Variants in DNAJC2 observed in about 807,000 individuals in gnomAD.
DNAJC2 encodes the protein DnaJ heat shock protein family (Hsp40) member C2.
Under a neutral mutation model 94.0 loss-of-function variants are expected in DNAJC2, and 32 were observed. The observed-to-expected ratio is 0.34, with a 90% CI of 0.26 to 0.46. The LOEUF (loss-of-function observed/expected upper bound fraction) is 0.46, where lower values mean the gene tolerates loss of function less well. DNAJC2 is among the 20% of genes least tolerant of loss of function. DNAJC2 has a pLI of 1.00. For missense variants in DNAJC2, 550 were observed against 719.5 expected, an observed-to-expected ratio of 0.76 and a Z score of 2.69; for synonymous variants, 210 against 229.7, an observed-to-expected ratio of 0.91 and a Z score of 0.77.
rs1563458834 is a variant in DNAJC2 at position 103,319,770 on chromosome 7, C to A, written c.1158G>T (p.Arg386=). The stretch of plus-strand genomic sequence containing the variant: ...CATAGGTATACCTTGCCAGTTCAAG[C>A]CGATCACAAAGTTTTTCCACTTCTT... ...MMEEVEKLCD[R]LELASLQCLN... The change falls in exon 11 of 17, where the codon CGG becomes CGT. Residue 386 remains arginine (R), a synonymous_variant. Coordinates refer to ENST00000379263, the MANE Select transcript of DNAJC2 (RefSeq NM_014377.3). The A allele has an allele frequency of 8.7e-6, 14 of 1,614,182 alleles. No homozygotes were observed. The highest frequency in any genetic ancestry group is 1.1e-5 in the Non-Finnish European group (13 of 1,180,024).
At chr7:103,318,162 T>C (rs1299779201) in intron 12 of DNAJC2, among the ~76,000 whole-genome samples, 2 of 150,244 alleles carry the variant, frequency 1.3e-5, no homozygotes, top group Non-Finnish European at 3.0e-5. Flanking sequence ...CCCATAACAT[T>C]TTTTTTTTGT....
intron 15 of DNAJC2, chr7:103,313,888 A>G (rs1385119299): frequency 1.1e-5 from 11 of 985,322 alleles, no homozygotes; most frequent in Non-Finnish European, 1.3e-5. Flanking sequence ...ACTTCTGGCA[A>G]TTTAGTTATT....
chr7:103,321,886 A>G, intron 10 of DNAJC2, 46 bp downstream of exon 10: 1 of 1,559,390 alleles, frequency 6.4e-7, no homozygotes, highest in Non-Finnish European at 8.7e-7. Flanking sequence ...TTGCTTAATA[A>G]GCAACTTGAT....
At chr7:103,337,895 T>A in intron 2 of DNAJC2, 84 bp from the exon 3 acceptor site, 1 of 954,104 alleles carries the variant, frequency 1.0e-6, no homozygotes, top group East Asian at 2.4e-5. Context: ...TTAATAAGCA[T>A]TTCCCAAAGT....
chr7:103,325,787 T>C (rs1404246129), intron 5 of DNAJC2, among the ~76,000 whole-genome samples: 3 of 152,258 alleles, frequency 2.0e-5, no homozygotes, highest in Non-Finnish European at 4.4e-5. Flanking sequence ...AAAATACGTA[T>C]GCTTTAATCG....
Position 103,317,008 on chromosome 7 carries a change from C to A in DNAJC2, c.1249G>T (p.Glu417Ter), listed in dbSNP as rs755749192. 4 of 1,612,580 alleles carry A rather than the reference C, an allele frequency of 2.5e-6. No homozygotes were observed. Among genetic ancestry groups the A allele is most frequent in the Non-Finnish European group, 3.4e-6 (4 of 1,179,590 alleles). The change falls in exon 13 of 17, where the codon GAA becomes TAA. Residue 417 changes from glutamate (E) to a stop codon, truncating the protein, a stop_gained. Coordinates refer to ENST00000379263, the MANE Select transcript of DNAJC2 (RefSeq NM_014377.3). LOFTEE classifies it high-confidence loss of function. Reference protein sequence around the residue: ...GKAALEKQIEEINEQIRKEKE... With the variant: ...GKAALEKQIE Reference sequence around the variant, plus strand: ...TCTTTTCTGATTTGCTCATTTATTTCTTCTATCTGCACAAATATCATAAGT... The same window carrying A: ...TCTTTTCTGATTTGCTCATTTATTTATTCTATCTGCACAAATATCATAAGT...
rs1818477347 is a variant in DNAJC2, at chr7:103,322,541, A to G, written c.903T>C (p.Ala301=). 2 of 1,545,928 alleles carry G rather than the reference A, an allele frequency of 1.3e-6. No individual in the cohort carries two copies. The highest frequency in any genetic ancestry group is 1.4e-5 in the African/African-American group (1 of 73,400). ...KEAEKKAKAE[A]KRKEQEAKEK... ...CTTTAGCTTCTTGCTCCTTCCGTTT[A>G]GCTTCTGCTTTTGCTTTCTTTTCTG... is the stretch of plus-strand genomic sequence containing the variant. The change falls in exon 9 of 17, where the codon GCT becomes GCC. Residue 301 remains alanine (A), a synonymous_variant. Coordinates refer to ENST00000379263, the MANE Select transcript of DNAJC2 (RefSeq NM_014377.3).
chr7:103,344,156 G>C (rs964367639), intron 1 of DNAJC2: 2 of 199,204 alleles, frequency 1.0e-5, no homozygotes, highest in East Asian at 2.4e-4. Flanking sequence ...GAGGGAGAAA[G>C]TTGTTTAAGA....
chr7:103,322,147 T>G, intron 9 of DNAJC2, 66 bp from the exon 10 acceptor site: 1 of 1,202,854 alleles, frequency 8.3e-7, no homozygotes, highest in Non-Finnish European at 1.1e-6. Context: ...TTTATAATTT[T>G]AAAAATTTAA....
chr7:103,325,872 A>G (rs569789460), intron 5 of DNAJC2, among the ~76,000 whole-genome samples: 1 of 152,352 alleles, frequency 6.6e-6, no homozygotes, highest in East Asian at 1.9e-4. Flanking sequence ...GGATTTCTCA[A>G]CTGACAATGA....
chr7:103,334,123 T>C (rs1249543007), intron 3 of DNAJC2, among the ~76,000 whole-genome samples: 1 of 152,010 alleles, frequency 6.6e-6, no homozygotes, highest in Non-Finnish European at 1.5e-5. Context: ...GCTGATATTT[T>C]TGTATTTTTA....
chr7:103,341,378 T>A (rs1003815812), intron 2 of DNAJC2, among the ~76,000 whole-genome samples: 1 of 152,214 alleles, frequency 6.6e-6, no homozygotes, highest in Non-Finnish European at 1.5e-5. Flanking sequence ...GACACTAGAT[T>A]TCTCATCACC....
rs536132115 is a variant in DNAJC2, at chr7:103,338,319, C to T, written c.256-508G>A. Among the ~76,000 whole-genome samples, 201 of 146,052 alleles carry T rather than the reference C, an allele frequency of 1.4e-3. 1 individual carries two copies. In the East Asian group the frequency reaches 0.032, roughly 23 times the overall value. On this transcript the variant is annotated intron_variant, in intron 2 of 16. Coordinates refer to ENST00000379263, the MANE Select transcript of DNAJC2 (RefSeq NM_014377.3). ...AAGATTTTATTTTATTTTTTTGAGA[C>T]GGAGTCTTGCTCTGTTGCCCAGGCT... is the stretch of plus-strand genomic sequence containing the variant.
intron 5 of DNAJC2, 51 bp downstream of exon 5, chr7:103,326,492 C>T (rs1467766456): frequency 1.3e-6 from 2 of 1,590,950 alleles, no homozygotes; most frequent in Non-Finnish European, 1.7e-6. Flanking sequence ...TGGAAGACTA[C>T]AATAAACAAG....
chr7:103,344,611 C>T lies in DNAJC2; in HGVS notation c.12G>A (p.Leu4=), dbSNP rs137979671. MLL[L]PSAADGRGTA... ...TGCCCCGGCCGTCCGCGGCGCTTGG[C>T]AGAAGCAGCATGATGGCGCCGGGTC... Residue 4 remains leucine (L), a synonymous_variant, in exon 1 of 17, where the codon CTG becomes CTA. Transcript: ENST00000379263. 3.5e-5 allele frequency: 56 copies of T among 1,611,686 alleles called. No individual in the cohort carries two copies. Among genetic ancestry groups the T allele is most frequent in the Middle Eastern group, 1.7e-4 (1 of 5,988 alleles).
intron 3 of DNAJC2, chr7:103,337,387 C>A (rs943684885): frequency 5.9e-6 from 1 of 169,696 alleles, no homozygotes; most frequent in Non-Finnish European, 1.2e-5. Flanking sequence ...AACCAAAAAC[C>A]AAAAAACAAT....
Position 103,340,680 on chromosome 7 carries a change from C to T in DNAJC2, c.255+1084G>A, listed in dbSNP as rs535030306. ...TCAGGCACTCCAATTCCACAGCATA[C>T]GCATTTAACTATTATACAAGTACCT... is the stretch of plus-strand genomic sequence containing the variant. On this transcript the variant is annotated intron_variant, in intron 2 of 16. Transcript: ENST00000379263. Among the ~76,000 whole-genome samples the T allele has an allele frequency of 2.1e-3, 314 of 152,300 alleles. 3 individuals carry two copies. The highest frequency in any genetic ancestry group is 7.2e-3 in the African/African-American group (298 of 41,552).
chr7:103,319,575 A>G (rs1472366481), intron 12 of DNAJC2, 34 bp downstream of exon 12: 1 of 1,598,472 alleles, frequency 6.3e-7, no homozygotes, highest in Non-Finnish European at 8.6e-7. Context: ...ATTAAATGCT[A>G]CATATAGGTA....
At chr7:103,324,425 T>C (rs1818589608) in intron 6 of DNAJC2, 57 bp downstream of exon 6, 18 of 1,377,806 alleles carry the variant, frequency 1.3e-5, no homozygotes, top group South Asian at 5.6e-5. Context: ...CAAGTACTTA[T>C]TGAATACTTT....
Sources: gnomAD v4.1 joint callset for allele counts (sites outside exome capture counted in the v4.1 genomes callset) on GRCh38, gnomAD v4.1.1 for gene constraint, MANE v1.5 for transcripts, NCBI Gene and HGNC (gene_info 2026-07-23, HGNC 2026-07-21) for gene names.